Variants in BMP7 observed in about 807,000 individuals in gnomAD.
The protein encoded by BMP7 is bone morphogenetic protein 7.
In BMP7, 12 loss-of-function variants were observed where a neutral mutation model predicts 41.2. The ratio of observed to expected loss-of-function variants is 0.29; its 90% CI spans 0.19 to 0.47. The LOEUF (loss-of-function observed/expected upper bound fraction) is 0.47, where lower values mean the gene tolerates loss of function less well. BMP7 is among the 20% of genes least tolerant of loss of function. The pLI, the probability that BMP7 is intolerant of heterozygous loss-of-function variation, is 0.99. For missense variants in BMP7, 467 were observed against 606.0 expected (o/e 0.77, Z 2.41); for synonymous variants, 248 against 250.0 (o/e 0.99, Z 0.07).
chr20:57,202,544 T>C lies in BMP7; in HGVS notation c.691A>G (p.Thr231Ala). The C allele has an allele frequency of 6.2e-7, 1 of 1,610,274 alleles. No homozygotes were observed. The highest frequency in any genetic ancestry group is 8.5e-7 in the Non-Finnish European group (1 of 1,179,860). ...GGATTGACCACCCAGTGGTTGCTGG[T>C]GGCTGTGATGTCAAACACCAGCCAG... ...EGWLVFDITATSNHWVVNPRH... is the reference protein window; with the variant it reads ...EGWLVFDITAASNHWVVNPRH... Residue 231 changes from threonine (T) to alanine (A), a missense_variant, in exon 3 of 7, where the codon ACC (threonine) becomes GCC (alanine). By Grantham distance (58) the Thr-to-Ala change is moderately conservative. Transcript: ENST00000395863.
chr20:57,227,866 C>T (rs538601213), intron 2 of BMP7, among the ~76,000 whole-genome samples: 2 of 152,114 alleles, frequency 1.3e-5, no homozygotes, highest in Non-Finnish European at 2.9e-5. Context: ...AATTGGTTGC[C>T]TGACATCGTG....
chr20:57,209,932 G>T (rs576557694), intron 2 of BMP7, among the ~76,000 whole-genome samples: 2 of 152,262 alleles, frequency 1.3e-5, no homozygotes, highest in African/African-American at 4.8e-5. Flanking sequence ...ACAAACCTAG[G>T]TGAGGGGGCA....
intron 5 of BMP7, 120 bp from the exon 6 acceptor site, chr20:57,173,430 C>A (rs369718771): frequency 7.2e-6 from 7 of 971,676 alleles, no homozygotes; most frequent in East Asian, 5.2e-5. Flanking sequence ...AGCCTCAGAC[C>A]ATGCCTTCTG....
chr20:57,248,506 C>T (rs1403867022), intron 1 of BMP7, among the ~76,000 whole-genome samples: 1 of 152,186 alleles, frequency 6.6e-6, no homozygotes, highest in East Asian at 1.9e-4. Flanking sequence ...GTGCCATTCC[C>T]CATCCTCCTG....
rs1349833158 is a variant in BMP7, at chr20:57,171,834, A to G, written c.1147-726T>C. On this transcript the variant is annotated intron_variant, in intron 6 of 6. Transcript: ENST00000395863. This position sits in a 1 kb window ranked among gnomAD's most constrained non-coding sequence, Gnocchi z 4.5. ...GCTGACATAGGCCAGCATGCTTTTT[A>G]CACATTTTATGATGGACAATTTCAA... Among the ~76,000 whole-genome samples, 2 of 152,194 alleles carry G rather than the reference A, an allele frequency of 1.3e-5. No homozygotes were observed. The highest frequency in any genetic ancestry group is 2.4e-5 in the African/African-American group (1 of 41,452).
chr20:57,188,793 T>C (rs1281687726), intron 3 of BMP7, among the ~76,000 whole-genome samples: 1 of 152,180 alleles, frequency 6.6e-6, no homozygotes, highest in Non-Finnish European at 1.5e-5. Context: ...GCCCACCCCA[T>C]CCTCAACACA....
intron 6 of BMP7, chr20:57,172,906 C>T: frequency 3.3e-6 from 2 of 598,450 alleles, no homozygotes; most frequent in South Asian, 4.1e-5. Flanking sequence ...GGCACCGTAA[C>T]CAGCACCCAC....
chr20:57,184,109 G>A (rs1330939639), intron 3 of BMP7, among the ~76,000 whole-genome samples, 190 bp from the exon 4 acceptor site: 4 of 152,204 alleles, frequency 2.6e-5, no homozygotes, highest in Non-Finnish European at 5.9e-5. Context: ...TGTGAAAGCA[G>A]CCAAGAAAAC....
chr20:57,231,699 G>C lies in BMP7; in HGVS notation c.419-3278C>G, dbSNP rs541682505. Among the ~76,000 whole-genome samples, 106 of 152,286 alleles carry C rather than the reference G, an allele frequency of 7.0e-4. 1 individual carries two copies. Among genetic ancestry groups the C allele is most frequent in the Non-Finnish European group, 1.4e-3 (93 of 68,020 alleles). On this transcript the variant is annotated intron_variant, in intron 1 of 6. Coordinates refer to ENST00000395863, the MANE Select transcript of BMP7 (RefSeq NM_001719.3). ...CCATGATTCAACTTTCAGCAGAGAG[G>C]GTTGCTCCCACAATCATGCACAGGT... is the stretch of plus-strand genomic sequence containing the variant.
At chr20:57,230,339 G>A (rs1362483412) in intron 1 of BMP7, among the ~76,000 whole-genome samples, 2 of 152,126 alleles carry the variant, frequency 1.3e-5, no homozygotes, top group Non-Finnish European at 2.9e-5. Context: ...GGAACCAAGT[G>A]AGCCTCGGGA....
At chr20:57,252,076 T>C (rs2066115964) in intron 1 of BMP7, among the ~76,000 whole-genome samples, 1 of 152,204 alleles carries the variant, frequency 6.6e-6, no homozygotes. Flanking sequence ...TCGGTCACCA[T>C]CGTGTCTGTG....
At chr20:57,255,120 C>T (rs1568731194) in intron 1 of BMP7, among the ~76,000 whole-genome samples, 1 of 101,772 alleles carries the variant, frequency 9.8e-6, no homozygotes, top group Non-Finnish European at 2.3e-5. Flanking sequence ...GGCTCGGCTT[C>T]TGTTTTAATG....
At chr20:57,227,035 C>T (rs553102036) in intron 2 of BMP7, among the ~76,000 whole-genome samples, 1 of 152,128 alleles carries the variant, frequency 6.6e-6, no homozygotes, top group South Asian at 2.1e-4. Flanking sequence ...CCGTGTTGGC[C>T]AGGCTGGTCT....
At chr20:57,256,712 A>C (rs1014344667) in intron 1 of BMP7, among the ~76,000 whole-genome samples, 1 of 152,114 alleles carries the variant, frequency 6.6e-6, no homozygotes, top group Non-Finnish European at 1.5e-5. Context: ...TCTACTAAAA[A>C]TAAAAAATAA....
At chr20:57,185,288 C>T (rs903862891) in intron 3 of BMP7, among the ~76,000 whole-genome samples, 6 of 152,174 alleles carry the variant, frequency 3.9e-5, no homozygotes, top group South Asian at 4.1e-4. Context: ...AGTTGAAAGA[C>T]GATGTACAGG....
intron 2 of BMP7, among the ~76,000 whole-genome samples, chr20:57,226,818 CA>C (rs1175184108): frequency 7.0e-6 from 1 of 142,130 alleles, no homozygotes; most frequent in Non-Finnish European, 1.5e-5. Context: ...CTTGCCTACT[CA>C]AAAACTTTTT....
intron 3 of BMP7, among the ~76,000 whole-genome samples, chr20:57,197,581 C>T (rs748358952): frequency 6.6e-6 from 1 of 152,202 alleles, no homozygotes; most frequent in African/African-American, 2.4e-5. Context: ...GTTCCCCAGC[C>T]TTCTCAGCTT....
intron 2 of BMP7, among the ~76,000 whole-genome samples, chr20:57,211,011 A>G (rs1484259815): frequency 6.6e-6 from 1 of 152,190 alleles, no homozygotes. Flanking sequence ...CCCCTCTGCT[A>G]CCTTCAGACA....
chr20:57,253,393 C>A (rs2066121896), intron 1 of BMP7, among the ~76,000 whole-genome samples: 1 of 152,218 alleles, frequency 6.6e-6, no homozygotes, highest in Admixed American at 6.5e-5. Context: ...ATCGAAAGAT[C>A]TTTTAGATCT....
Sources: gnomAD v4.1 joint callset for allele counts (sites outside exome capture counted in the v4.1 genomes callset) on GRCh38, gnomAD v4.1.1 for gene constraint, Gnocchi (gnomAD v3.1) non-coding constraint, MANE v1.5 for transcripts, NCBI Gene and HGNC (gene_info 2026-07-23, HGNC 2026-07-21) for gene names.